The following KLRD1 variants were observed in gnomAD, a reference collection of about 807,000 sequenced individuals.
KLRD1 encodes the protein killer cell lectin like receptor D1.
KLRD1 carries 21 observed loss-of-function variants against 22.6 expected under a neutral mutation model. The ratio of observed to expected loss-of-function variants is 0.93; its 90% CI spans 0.66 to 1.34. The LOEUF (loss-of-function observed/expected upper bound fraction) is 1.34. Ranked by LOEUF, KLRD1 falls within the 40% of genes most tolerant of loss-of-function variation. KLRD1 has a pLI of 0.00. For missense variants in KLRD1, 183 were observed against 208.6 expected, an observed-to-expected ratio of 0.88 and a Z score of 0.76; for synonymous variants, 59 against 71.1, an observed-to-expected ratio of 0.83 and a Z score of 0.85.
upstream of KLRD1, chr12:10,304,529 C>G (rs1320037755): frequency 1.3e-5 from 2 of 152,130 alleles, no homozygotes; most frequent in African/African-American, 4.8e-5. Flanking sequence ...CTCAGCCTCC[C>G]AAGTAGCAGG....
chr12:10,258,064 T>C (rs1949416300), intron 1 of KLRD1, among the ~76,000 whole-genome samples: 2 of 146,408 alleles, frequency 1.4e-5, no homozygotes. Context: ...TGACTTTACT[T>C]AACATTCTGA....
chr12:10,271,752 A>G (rs1565455127), intron 1 of KLRD1, among the ~76,000 whole-genome samples: 1 of 152,166 alleles, frequency 6.6e-6, no homozygotes, highest in Admixed American at 6.5e-5. Context: ...ACATATAATT[A>G]AATGGCATAT....
rs149706711 is a variant in KLRD1 at position 10,245,085 on chromosome 12, C to T, written c.-101+18852C>T. ...TAATGTGCTCAATTTCTGCTGGGTG[C>T]GGTGGCTCACACCTGTAATCCCAGC... On this transcript the variant is annotated intron_variant, in intron 1 of 5. Coordinates refer to the KLRD1 transcript ENST00000544747. Among the ~76,000 whole-genome samples the T allele has an allele frequency of 2.8e-3, 427 of 152,062 alleles. 2 individuals carry two copies. The highest frequency in any genetic ancestry group is 4.5e-3 in the Non-Finnish European group (303 of 67,968).
chr12:10,303,597 C>T (rs1006196467), upstream of KLRD1, among the ~76,000 whole-genome samples: 3 of 152,174 alleles, frequency 2.0e-5, 1 homozygote, highest in Non-Finnish European at 4.4e-5. Context: ...TTTCACATGA[C>T]CTACTCTTGT....
chr12:10,246,519 G>A (rs1949292853), intron 1 of KLRD1, among the ~76,000 whole-genome samples: 1 of 152,046 alleles, frequency 6.6e-6, no homozygotes, highest in East Asian at 1.9e-4. Context: ...CATGATTTGT[G>A]ACCTGTCTGA....
chr12:10,282,243 C>T (rs1041373015), intron 1 of KLRD1, among the ~76,000 whole-genome samples: 2 of 151,766 alleles, frequency 1.3e-5, no homozygotes, highest in African/African-American at 4.8e-5. Flanking sequence ...AACATATACA[C>T]ATATGTATAC....
At chr12:10,282,343 G>A (rs1477484513) in intron 1 of KLRD1, among the ~76,000 whole-genome samples, 1 of 149,838 alleles carries the variant, frequency 6.7e-6, no homozygotes, top group African/African-American at 2.5e-5. Context: ...CACAACCTCC[G>A]CCTCCCGGCT....
At position 10,323,133 on chromosome 12, in the gene KLRD1, A is replaced by G. The variant is rs1002269740; in HGVS notation, c.*8340A>G. Reference sequence around the variant, plus strand: ...GTAAAATTGCTATAAACATTTTAATATAGCTCTTGTGGGACATGTGGCTTC... The same window carrying G: ...GTAAAATTGCTATAAACATTTTAATGTAGCTCTTGTGGGACATGTGGCTTC... On this transcript the variant is annotated 3_prime_UTR_variant, in exon 6 of 6. Coordinates refer to ENST00000336164, the MANE Select transcript of KLRD1 (RefSeq NM_002262.5). 3.3e-5 allele frequency: 5 copies of G among 152,256 alleles called. No individual in the cohort carries two copies. Among genetic ancestry groups the G allele is most frequent in the Non-Finnish European group, 7.3e-5 (5 of 68,036 alleles). 9.4% of individuals were successfully genotyped at this position (152,256 alleles called of 1,614,324 possible). A position where few individuals can be genotyped will look rare whatever the true frequency, so the allele number is the denominator to read the frequency against.
At chr12:10,248,861 G>A (rs1382832726) in intron 1 of KLRD1, among the ~76,000 whole-genome samples, 1 of 151,840 alleles carries the variant, frequency 6.6e-6, no homozygotes, top group African/African-American at 2.4e-5. Context: ...GCCTCCCAAT[G>A]TGTTGGGATT....
chr12:10,269,225 A>G (rs914045171), intron 1 of KLRD1, among the ~76,000 whole-genome samples: 2 of 152,008 alleles, frequency 1.3e-5, no homozygotes, highest in African/African-American at 4.8e-5. Flanking sequence ...ATTTCGGCTC[A>G]CTGCAACCTT....
intron 1 of KLRD1, among the ~76,000 whole-genome samples, chr12:10,297,614 C>T (rs1370199427): frequency 3.3e-5 from 5 of 152,126 alleles, no homozygotes; most frequent in African/African-American, 1.2e-4. Context: ...AGGGTTGTCA[C>T]TATGTTTTAC....
chr12:10,257,205 A>G (rs1263047467), intron 1 of KLRD1, among the ~76,000 whole-genome samples: 1 of 92,840 alleles, frequency 1.1e-5, no homozygotes, highest in Non-Finnish European at 2.2e-5. Flanking sequence ...ATTATATCTT[A>G]TTGTGGGTCT....
At chr12:10,290,536 T>A (rs183071710) in intron 1 of KLRD1, among the ~76,000 whole-genome samples, 1 of 152,304 alleles carries the variant, frequency 6.6e-6, no homozygotes, top group Admixed American at 6.5e-5. Context: ...TTGGACATAA[T>A]AGAATGCCTG....
chr12:10,269,836 T>C (rs1483002906), intron 1 of KLRD1, among the ~76,000 whole-genome samples: 1 of 152,112 alleles, frequency 6.6e-6, no homozygotes, highest in Non-Finnish European at 1.5e-5. Flanking sequence ...AATTTATTAT[T>C]TTGAAAGATT....
rs145640011 is a variant in KLRD1 at position 10,318,357 on chromosome 12, C to T, written c.*3564C>T. The T allele has an allele frequency of 1.3e-5, 2 of 152,232 alleles. No homozygotes were observed. Among genetic ancestry groups the T allele is most frequent in the Non-Finnish European group, 1.5e-5 (1 of 68,024 alleles). The allele number at this position is 152,232 out of a possible 1,614,324, so 9.4% of individuals were successfully genotyped here. The stretch of plus-strand genomic sequence containing the variant: ...CATATGAGATAATTACAGATCTTGT[C>T]TCTGCTGTGTGACCAGACACAGATA... On this transcript the variant is annotated 3_prime_UTR_variant, in exon 6 of 6. Transcript: ENST00000336164.
rs1238138511 is a variant in KLRD1, at chr12:10,325,930, A to G, written c.*11137A>G. ...GCAGCACAATTTTTCATTCCCACCAAAGTGTTCAAGGGGTCTAATTACCCC... is the reference window on the plus strand; with the variant it reads ...GCAGCACAATTTTTCATTCCCACCAGAGTGTTCAAGGGGTCTAATTACCCC... On this transcript the variant is annotated 3_prime_UTR_variant, in exon 6 of 6. Transcript: ENST00000336164. 1 of 152,154 alleles carries G rather than the reference A, an allele frequency of 6.6e-6. No homozygotes were observed. Among genetic ancestry groups the G allele is most frequent in the Non-Finnish European group, 1.5e-5 (1 of 68,022 alleles). The allele number at this position is 152,154 out of a possible 1,614,324, so 9.4% of individuals were successfully genotyped here. A position where few individuals can be genotyped will look rare whatever the true frequency, so the allele number is the denominator to read the frequency against.
rs1447576422 is a variant in KLRD1 at position 10,329,006 on chromosome 12, C to A, written c.*14213C>A. The A allele has an allele frequency of 6.6e-6, 1 of 152,162 alleles. No homozygotes were observed. The highest frequency in any genetic ancestry group is 1.9e-4 in the East Asian group (1 of 5,200). The allele number at this position is 152,162 out of a possible 1,614,324, so 9.4% of individuals were successfully genotyped here. A position where few individuals can be genotyped will look rare whatever the true frequency, so the allele number is the denominator to read the frequency against. On this transcript the variant is annotated 3_prime_UTR_variant, in exon 6 of 6. Transcript: ENST00000336164. Reference sequence around the variant, plus strand: ...ACCACCCCCATGATTCAATTATCTCCCACTGGGTCCCTCCACCAACATGGG... The same window carrying A: ...ACCACCCCCATGATTCAATTATCTCACACTGGGTCCCTCCACCAACATGGG...
intron 5 of KLRD1, 140 bp from the exon 6 acceptor site, chr12:10,314,533 T>A: frequency 1.7e-6 from 1 of 596,368 alleles, no homozygotes; most frequent in Non-Finnish European, 2.7e-6. Flanking sequence ...TCATGAAAAT[T>A]GTGGTTACTG....
chr12:10,269,991 C>T (rs1207146098), intron 1 of KLRD1, among the ~76,000 whole-genome samples: 1 of 152,150 alleles, frequency 6.6e-6, no homozygotes, highest in African/African-American at 2.4e-5. Context: ...ATGATCTGAA[C>T]TTAATGCCAT....
Sources: allele counts gnomAD v4.1 joint callset (sites outside exome capture counted in the v4.1 genomes callset), GRCh38; gene constraint gnomAD v4.1.1; transcripts MANE v1.5; gene names NCBI Gene and HGNC (gene_info 2026-07-23, HGNC 2026-07-21).